LTBP1: variants seen among roughly 807,000 people sequenced by gnomAD.
The protein encoded by LTBP1 is latent transforming growth factor beta binding protein 1, also known as latent-transforming growth factor beta-binding protein 1.
A neutral mutation model predicts 207.6 loss-of-function variants in LTBP1; 129 were observed. The ratio of observed to expected loss-of-function variants is 0.62; its 90% confidence interval spans 0.54 to 0.72. The LOEUF is 0.72. Among genes scored for constraint, LTBP1 ranks in the 30% least tolerant of loss-of-function variants. The pLI is 0.00. For synonymous variants in LTBP1, 963 were observed against 833.7 expected, an observed-to-expected ratio of 1.16 and a Z score of -2.67; for missense variants, 2,281 against 2,217.2, an observed-to-expected ratio of 1.03 and a Z score of -0.58.
chr2:33,234,997 C>CAT (rs985925164), intron 9 of LTBP1, among the ~76,000 whole-genome samples: 2 of 152,120 alleles, frequency 1.3e-5, no homozygotes, highest in African/African-American at 4.8e-5. Context: ...TGGGCAAAGA[C>CAT]TTCATGACTA....
intron 7 of LTBP1, among the ~76,000 whole-genome samples, chr2:33,211,492 G>A (rs1481597606): frequency 6.6e-6 from 1 of 152,170 alleles, no homozygotes; most frequent in Admixed American, 6.5e-5. Context: ...TTGGGGTTGG[G>A]ATTACTGGCT....
At chr2:33,342,560 G>C (rs554899941) in intron 24 of LTBP1, among the ~76,000 whole-genome samples, 1 of 152,222 alleles carries the variant, frequency 6.6e-6, no homozygotes, top group Non-Finnish European at 1.5e-5. Context: ...AATACTGGGC[G>C]TGGCACTTGC....
intron 10 of LTBP1, 104 bp from the exon 11 acceptor site, chr2:33,252,572 AG>A: frequency 9.9e-7 from 1 of 1,005,436 alleles, no homozygotes; most frequent in East Asian, 2.4e-5. Context: ...TTTATCCTGA[AG>A]TGTGGTTTTT....
At chr2:33,344,996 G>A (rs1431192188) in intron 25 of LTBP1, among the ~76,000 whole-genome samples, 1 of 152,148 alleles carries the variant, frequency 6.6e-6, no homozygotes, top group Non-Finnish European at 1.5e-5. Context: ...ACCACCCTTA[G>A]AGAAGGAATA....
At chr2:33,197,629 G>T (rs1024392047) in intron 7 of LTBP1, among the ~76,000 whole-genome samples, 3 of 152,178 alleles carry the variant, frequency 2.0e-5, no homozygotes, top group Admixed American at 1.3e-4. Flanking sequence ...TTCAAAGCTT[G>T]TTTGGCATCT....
chr2:33,145,137 A>G (rs563512917), intron 5 of LTBP1, among the ~76,000 whole-genome samples: 1 of 152,332 alleles, frequency 6.6e-6, no homozygotes, highest in African/African-American at 2.4e-5. Context: ...TTTTCTATTT[A>G]GTTGAAGGGT....
In LTBP1 at chr2:33,309,491, C is replaced by T. The variant is rs756195839; in HGVS notation, c.3539C>T (p.Thr1180Ile). ...SVCQRGDCIN[T>I]AGSYDCTCPD... Reference sequence around the variant, plus strand: ...TGCCAGAGAGGAGACTGCATTAATACTGCAGGGTCCTATGATTGTACTTGT... The same window carrying T: ...TGCCAGAGAGGAGACTGCATTAATATTGCAGGGTCCTATGATTGTACTTGT... The change falls in exon 23 of 34, where the codon ACT becomes ATT. Residue 1180 changes from threonine to isoleucine, a missense_variant. Thr to Ile is a moderately conservative substitution (Grantham distance 89). This residue lies in a region of LTBP1 where 1,671 missense variants were observed against 1,634.8 expected (regional missense o/e 1.02). Transcript: ENST00000404816. The T allele has an allele frequency of 1.9e-6, 3 of 1,608,078 alleles. No individual in the cohort carries two copies. Among genetic ancestry groups the T allele is most frequent in the East Asian group, 2.2e-5 (1 of 44,676 alleles).
At chr2:33,363,299 C>A in intron 28 of LTBP1, 91 bp from the exon 29 acceptor site, 1 of 1,269,488 alleles carries the variant, frequency 7.9e-7, no homozygotes, top group Non-Finnish European at 1.1e-6. Context: ...ATTATAATAT[C>A]TAACTTAAAG....
intron 28 of LTBP1, among the ~76,000 whole-genome samples, chr2:33,362,878 G>T (rs755608149): frequency 7.2e-5 from 11 of 152,154 alleles, no homozygotes; most frequent in Non-Finnish European, 1.5e-4. Context: ...TGAGTAAACT[G>T]AGATAGCAAA....
At chr2:33,149,243 A>AC (rs1558707572) in intron 5 of LTBP1, among the ~76,000 whole-genome samples, 1 of 149,270 alleles carries the variant, frequency 6.7e-6, no homozygotes, top group Non-Finnish European at 1.5e-5. Context: ...AAAAAAAAAA[A>AC]AAAAAAAAAA....
intron 5 of LTBP1, among the ~76,000 whole-genome samples, chr2:33,141,619 G>T (rs1256419584): frequency 6.6e-6 from 1 of 152,168 alleles, no homozygotes; most frequent in Non-Finnish European, 1.5e-5. Context: ...GGTGGAAGGC[G>T]TGGTTGCTAT....
intron 32 of LTBP1, among the ~76,000 whole-genome samples, chr2:33,396,186 G>A (rs189859350): frequency 6.0e-5 from 9 of 150,994 alleles, no homozygotes; most frequent in Admixed American, 1.3e-4. Flanking sequence ...TTTTTTTTTG[G>A]TGTGTGTGTG....
intron 24 of LTBP1, among the ~76,000 whole-genome samples, chr2:33,337,174 G>T (rs2094562895): frequency 6.6e-6 from 1 of 152,118 alleles, no homozygotes; most frequent in Admixed American, 6.5e-5. Context: ...TTGAGAATTC[G>T]GGAGTGCATG....
chr2:33,077,768 A>T (rs1012807615), intron 3 of LTBP1, among the ~76,000 whole-genome samples: 3 of 152,238 alleles, frequency 2.0e-5, no homozygotes, highest in African/African-American at 7.2e-5. Context: ...AACCAAGCCC[A>T]AAACTCTCAA....
chr2:33,102,274 G>A (rs565105659), intron 3 of LTBP1, among the ~76,000 whole-genome samples: 1 of 152,280 alleles, frequency 6.6e-6, no homozygotes, highest in East Asian at 1.9e-4. Flanking sequence ...TACTTTTTCT[G>A]TTGGGGTGGG....
intron 2 of LTBP1, among the ~76,000 whole-genome samples, chr2:32,967,735 A>G (rs1365435413): frequency 6.6e-6 from 1 of 152,168 alleles, no homozygotes; most frequent in Non-Finnish European, 1.5e-5. Flanking sequence ...ATGACCCAGA[A>G]TGTGGTTTGT....
rs1558893465 is a variant in LTBP1, at chr2:33,254,872, T to TG, written c.2167+2028_2167+2029insG. The stretch of plus-strand genomic sequence containing the variant: ...GTTTGGTTTTTTTTTTTTTTTTTTT[T>TG]TTTTTTTTTTTGTATTTTCTATTAC... On this transcript the variant is annotated intron_variant, in intron 11 of 33. Transcript: ENST00000404816. Among the ~76,000 whole-genome samples the TG allele has an allele frequency of 6.5e-5, 8 of 123,314 alleles. 1 individual carries two copies. The South Asian group carries it at 1.4e-3, about 22-fold the overall frequency. The allele number at this position is 123,314 out of a possible 152,430, so 80.9% of individuals were successfully genotyped here. A position where few individuals can be genotyped will look rare whatever the true frequency, so the allele number is the denominator to read the frequency against.
intron 9 of LTBP1, among the ~76,000 whole-genome samples, chr2:33,231,160 C>A (rs567057761): frequency 1.5e-4 from 23 of 152,260 alleles, no homozygotes; most frequent in African/African-American, 5.5e-4. Context: ...ATGCAATGTG[C>A]TTTATTTACT....
chr2:33,387,550 A>G (rs1467176949), intron 31 of LTBP1, among the ~76,000 whole-genome samples: 7 of 152,176 alleles, frequency 4.6e-5, no homozygotes, highest in African/African-American at 7.2e-5. Flanking sequence ...CCAGAATCCT[A>G]CCCTATCCAG....
Sources: gnomAD v4.1 joint callset for allele counts (sites outside exome capture counted in the v4.1 genomes callset) on GRCh38, gnomAD v4.1.1 for gene constraint, gnomAD v4.1.1 regional missense constraint, MANE v1.5 for transcripts, NCBI Gene and HGNC (gene_info 2026-07-23, HGNC 2026-07-21) for gene names.